PRKG1: variants seen among roughly 807,000 people sequenced by gnomAD.
PRKG1 encodes protein kinase cGMP-dependent 1, also known as cGMP-dependent protein kinase 1.
In PRKG1, 35 loss-of-function variants were observed where a neutral mutation model predicts 88.1. That is an observed-to-expected ratio of 0.40 (90% CI 0.30 to 0.53). PRKG1 has a LOEUF of 0.53. PRKG1 is among the 20% of genes least tolerant of loss of function. PRKG1 has a pLI of 0.59. For synonymous variants in PRKG1, 303 were observed against 292.5 expected (o/e 1.04, Z -0.37); for missense variants, 540 against 839.8 (o/e 0.64, Z 4.41).
chr10:51,012,913 T>G (rs760933400), intron 1 of PRKG1, among the ~76,000 whole-genome samples: 2 of 152,214 alleles, frequency 1.3e-5, no homozygotes, highest in Non-Finnish European at 2.9e-5. Context: ...AGTAGATTGT[T>G]CTAACATTGG....
intron 5 of PRKG1, among the ~76,000 whole-genome samples, chr10:52,042,743 G>T (rs1845780101): frequency 6.6e-6 from 1 of 152,098 alleles, no homozygotes; most frequent in Non-Finnish European, 1.5e-5. Flanking sequence ...AAACTCAAAA[G>T]CTTCTGCCCA....
At chr10:51,579,779 A>G (rs1192575401) in intron 3 of PRKG1, among the ~76,000 whole-genome samples, 1 of 152,066 alleles carries the variant, frequency 6.6e-6, no homozygotes, top group African/African-American at 2.4e-5. Flanking sequence ...AAGTTCTCCT[A>G]TGACTATTAG....
chr10:51,969,920 G>C (rs1006825818), intron 5 of PRKG1, among the ~76,000 whole-genome samples: 10 of 150,922 alleles, frequency 6.6e-5, no homozygotes, highest in African/African-American at 2.0e-4. Context: ...AGTTAAAACA[G>C]TATAAAGAAT....
At chr10:51,034,666 AT>A (rs5784854) in intron 1 of PRKG1, among the ~76,000 whole-genome samples, 5 of 25,748 alleles carry the variant, frequency 1.9e-4, no homozygotes, top group Non-Finnish European at 3.4e-4. Flanking sequence ...ATAATATGTT[AT>A]TTATATATAT....
chr10:51,491,006 A>G (rs905053329), intron 3 of PRKG1, among the ~76,000 whole-genome samples: 2 of 152,050 alleles, frequency 1.3e-5, no homozygotes, highest in African/African-American at 2.4e-5. Context: ...GCCCTACATC[A>G]GTGGCATCAT....
intron 2 of PRKG1, among the ~76,000 whole-genome samples, chr10:51,280,088 G>C (rs1449758977): frequency 6.6e-6 from 1 of 152,274 alleles, no homozygotes; most frequent in African/African-American, 2.4e-5. Context: ...GAATCTCTCA[G>C]CATTTGCTTG....
intron 3 of PRKG1, among the ~76,000 whole-genome samples, chr10:51,708,598 C>T (rs1841667465): frequency 6.6e-6 from 1 of 152,160 alleles, no homozygotes; most frequent in Admixed American, 6.5e-5. Context: ...AGGATCAGAT[C>T]TCCTATTTCT....
At chr10:51,360,545 G>A (rs1385419139) in intron 2 of PRKG1, among the ~76,000 whole-genome samples, 2 of 151,928 alleles carry the variant, frequency 1.3e-5, no homozygotes, top group African/African-American at 4.8e-5. Context: ...TGGCAATTCA[G>A]ATAGTGATAG....
At chr10:51,793,354 A>G (rs1838922564) in intron 3 of PRKG1, among the ~76,000 whole-genome samples, 1 of 152,064 alleles carries the variant, frequency 6.6e-6, no homozygotes, top group Non-Finnish European at 1.5e-5. Flanking sequence ...ATATATAGTC[A>G]AAGGAGAAAA....
chr10:52,197,110 A>G (rs1042213468), intron 9 of PRKG1, among the ~76,000 whole-genome samples: 3 of 152,146 alleles, frequency 2.0e-5, no homozygotes, highest in African/African-American at 7.2e-5. Context: ...GATACAGATA[A>G]GTTTTTTTTT....
chr10:51,055,799 T>C (rs1464969267), intron 1 of PRKG1, among the ~76,000 whole-genome samples: 1 of 152,148 alleles, frequency 6.6e-6, no homozygotes, highest in Non-Finnish European at 1.5e-5. Flanking sequence ...CAAATACCAT[T>C]TTCTTCTTCC....
At chr10:52,033,398 A>G (rs1177046417) in intron 5 of PRKG1, among the ~76,000 whole-genome samples, 2 of 152,250 alleles carry the variant, frequency 1.3e-5, no homozygotes, top group Non-Finnish European at 2.9e-5. Context: ...TAACCCTCAG[A>G]TCTGTGATTT....
intron 3 of PRKG1, among the ~76,000 whole-genome samples, chr10:51,555,145 C>T (rs758337437): frequency 6.6e-6 from 1 of 151,782 alleles, no homozygotes; most frequent in Non-Finnish European, 1.5e-5. Flanking sequence ...GGGGTTGTCA[C>T]GTTTTTCTTT....
chr10:51,883,645 A>G (rs1008844685), intron 4 of PRKG1, among the ~76,000 whole-genome samples: 4 of 152,234 alleles, frequency 2.6e-5, no homozygotes, highest in South Asian at 2.1e-4. Context: ...ATGGATTAAC[A>G]TATTTACTGA....
intron 1 of PRKG1, among the ~76,000 whole-genome samples, chr10:51,116,176 T>A (rs904095189): frequency 3.9e-5 from 6 of 152,130 alleles, no homozygotes; most frequent in Admixed American, 3.3e-4. Flanking sequence ...GTGAGGTCAG[T>A]TTGTGAATGG....
chr10:52,274,534 TAC>T (rs3031885), intron 12 of PRKG1, among the ~76,000 whole-genome samples: 3,750 of 149,926 alleles, frequency 0.025, 265 homozygotes, highest in East Asian at 0.23. Context: ...TATATATATA[TAC>T]ACACACACAC....
intron 4 of PRKG1, among the ~76,000 whole-genome samples, chr10:51,814,209 C>T (rs2226253): frequency 0.076 from 11,530 of 152,196 alleles, 1,082 homozygotes; most frequent in African/African-American, 0.21. Context: ...TGTTTGGACA[C>T]ATACAAAGTA....
intron 9 of PRKG1, among the ~76,000 whole-genome samples, chr10:52,213,520 T>TA (rs1464908342): frequency 1.3e-5 from 2 of 152,230 alleles, no homozygotes; most frequent in African/African-American, 4.8e-5. Context: ...AAATCCTAGC[T>TA]GGAACCAGTT....
At chr10:51,697,532 A>G in intron 3 of PRKG1, 1 of 739,150 alleles carries the variant, frequency 1.4e-6, no homozygotes, top group South Asian at 2.0e-5. Context: ...CTCAATTAAA[A>G]AAAAAAGGAA....
Sources: allele counts gnomAD v4.1 joint callset (sites outside exome capture counted in the v4.1 genomes callset), GRCh38; gene constraint gnomAD v4.1.1; transcripts MANE v1.5; gene names NCBI Gene and HGNC (gene_info 2026-07-23, HGNC 2026-07-21).